The following LYPLA1 variants were observed in gnomAD, a reference collection of about 807,000 sequenced individuals.
The protein encoded by LYPLA1 is lysophospholipase 1, also known as acyl-protein thioesterase 1.
LYPLA1 carries 17 observed loss-of-function variants against 34.0 expected under a neutral mutation model. The observed-to-expected ratio is 0.50, with a 90% CI of 0.34 to 0.75. LYPLA1 has a LOEUF of 0.75. Ranked by LOEUF, LYPLA1 falls within the 30% of genes least tolerant of loss-of-function variation. The pLI is 0.01. For missense variants in LYPLA1, 203 were observed against 288.8 expected, an observed-to-expected ratio of 0.70 and a Z score of 2.15; for synonymous variants, 98 against 100.8, an observed-to-expected ratio of 0.97 and a Z score of 0.17.
chr8:54,055,355 T>C (rs1055910008), intron 5 of LYPLA1, among the ~76,000 whole-genome samples: 3 of 152,264 alleles, frequency 2.0e-5, no homozygotes, highest in South Asian at 4.1e-4. Context: ...AAATTTCCGA[T>C]AGTCACACAT....
intron 2 of LYPLA1, among the ~76,000 whole-genome samples, chr8:54,071,490 G>C (rs943184262): frequency 1.3e-5 from 2 of 152,098 alleles, no homozygotes; most frequent in African/African-American, 4.8e-5. Context: ...TATACAGGGT[G>C]GGGGCGTGGA....
intron 8 of LYPLA1, among the ~76,000 whole-genome samples, chr8:54,050,124 A>AT (rs1283111513): frequency 6.6e-6 from 1 of 152,142 alleles, no homozygotes; most frequent in African/African-American, 2.4e-5. Flanking sequence ...ATTATTTCAA[A>AT]TCTCCATTTC....
chr8:54,045,746 A>T (rs930851360), downstream of LYPLA1: 5 of 152,200 alleles, frequency 3.3e-5, no homozygotes, highest in Non-Finnish European at 7.3e-5. Flanking sequence ...ACACTAATTT[A>T]AAAAACCCAG....
intron 2 of LYPLA1, among the ~76,000 whole-genome samples, chr8:54,086,935 G>T (rs1416082729): frequency 6.6e-6 from 1 of 152,082 alleles, no homozygotes; most frequent in African/African-American, 2.4e-5. Context: ...ATATAATTAG[G>T]ATTATACACC....
chr8:54,089,376 T>C lies in LYPLA1; in HGVS notation c.101+11532A>G, dbSNP rs1586169306. ...ACAGTATGTTGTTATAATTATTCTA[T>C]TGCTGTTGTTCACCTCTTTGCCTAA... is the stretch of plus-strand genomic sequence containing the variant. On this transcript the variant is annotated intron_variant, in intron 2 of 8. Coordinates refer to ENST00000316963, the MANE Select transcript of LYPLA1 (RefSeq NM_006330.4). 4.6e-5 allele frequency among the ~76,000 whole-genome samples: 7 copies of C among 152,074 alleles called. No individual in the cohort carries two copies. The East Asian group carries it at 9.7e-4, about 21-fold the overall frequency.
intron 2 of LYPLA1, among the ~76,000 whole-genome samples, chr8:54,091,618 A>AAGGAAGGC (rs1809288640): frequency 6.8e-6 from 1 of 147,150 alleles, no homozygotes; most frequent in African/African-American, 2.6e-5. Flanking sequence ...GGAAGGAAGG[A>AAGGAAGGC]AGGAAGGAGA....
At chr8:54,091,581 AAAGG>A (rs200125817) in intron 2 of LYPLA1, among the ~76,000 whole-genome samples, 28,338 of 141,780 alleles carry the variant, frequency 0.2, 3,211 homozygotes, top group Middle Eastern at 0.35. Context: ...GAAAGAAAGA[AAAGG>A]AAGGAAGGAA....
intron 6 of LYPLA1, chr8:54,053,127 T>C (rs923535271): frequency 7.4e-5 from 13 of 176,526 alleles, no homozygotes; most frequent in African/African-American, 3.2e-4. Context: ...GGAGTTTCAC[T>C]CTTGTTGCCC....
chr8:54,053,426 T>C (rs1427444824), intron 6 of LYPLA1: 2 of 329,340 alleles, frequency 6.1e-6, no homozygotes, highest in Non-Finnish European at 1.2e-5. Flanking sequence ...AATGAGAATT[T>C]AAGATAATAA....
chr8:54,075,283 G>A (rs1334037132), intron 2 of LYPLA1, among the ~76,000 whole-genome samples: 1 of 152,240 alleles, frequency 6.6e-6, no homozygotes, highest in South Asian at 2.1e-4. Context: ...CAAAAAGTTA[G>A]TAAATAGGTA....
At chr8:54,099,285 A>G (rs544201209) in intron 2 of LYPLA1, among the ~76,000 whole-genome samples, 1 of 152,334 alleles carries the variant, frequency 6.6e-6, no homozygotes, top group African/African-American at 2.4e-5. Flanking sequence ...AAATAAGTTC[A>G]TCATTTTCAC....
At position 54,063,352 on chromosome 8, in the gene LYPLA1, T is replaced by C; in HGVS notation, c.191A>G (p.Asn64Ser). The change falls in exon 4 of 9, where the codon AAT becomes AGT. Residue 64 changes from asparagine (N) to serine (S), a missense_variant. By Grantham distance (46) the Asn-to-Ser change is conservative (BLOSUM62 1). Transcript: ENST00000316963. The stretch of plus-strand genomic sequence containing the variant: ...CCATGAAGGCATAGCCACGTTCATA[T>C]TTAATGTAACAGGCCTAACAGGCCT... ...PHAPVRPVTL[N>S]MNVAMPSWFD... The C allele has an allele frequency of 6.5e-7, 1 of 1,541,726 alleles. No individual in the cohort carries two copies. Among genetic ancestry groups the C allele is most frequent in the Non-Finnish European group, 8.8e-7 (1 of 1,141,882 alleles).
intron 3 of LYPLA1, among the ~76,000 whole-genome samples, chr8:54,064,722 C>A (rs967693207): frequency 1.1e-3 from 166 of 152,308 alleles, no homozygotes; most frequent in African/African-American, 3.8e-3. Context: ...TGCTTCTCAG[C>A]AACTTTTTGA....
chr8:54,070,017 A>C (rs959819180), intron 2 of LYPLA1, among the ~76,000 whole-genome samples: 18 of 152,278 alleles, frequency 1.2e-4, no homozygotes, highest in African/African-American at 4.3e-4. Context: ...TATGGTGAGA[A>C]ATCAGAACCC....
At chr8:54,093,586 T>C (rs1226972076) in intron 2 of LYPLA1, among the ~76,000 whole-genome samples, 1 of 152,210 alleles carries the variant, frequency 6.6e-6, no homozygotes, top group Non-Finnish European at 1.5e-5. Context: ...TGAATTTCTG[T>C]TGTTTTTAAT....
chr8:54,080,788 A>T (rs1808257603), intron 2 of LYPLA1, among the ~76,000 whole-genome samples: 1 of 152,210 alleles, frequency 6.6e-6, no homozygotes, highest in African/African-American at 2.4e-5. Context: ...AGGTTTCACC[A>T]TGTTGGCCAG....
intron 4 of LYPLA1, 41 bp downstream of exon 4, chr8:54,063,287 G>A: frequency 4.2e-6 from 5 of 1,191,826 alleles, no homozygotes; most frequent in South Asian, 3.0e-5. Flanking sequence ...CATTAAATAA[G>A]TAATATAATG....
chr8:54,101,853 AG>A lies in LYPLA1; in HGVS notation c.-31del. The A allele has an allele frequency of 1.6e-6, 2 of 1,230,054 alleles. No homozygotes were observed. The highest frequency in any genetic ancestry group is 2.1e-6 in the Non-Finnish European group (2 of 973,922). The allele number at this position is 1,230,054 out of a possible 1,614,324, so 76.2% of individuals were successfully genotyped here. The stretch of plus-strand genomic sequence containing the variant: ...CGCCTCAGCTCACAGCGCAAGCGGA[AG>A]GAAGAGCGGGCGCCCGGCCGCGGCC... On this transcript the variant is annotated 5_prime_UTR_variant, in exon 1 of 9. Coordinates refer to ENST00000316963, the MANE Select transcript of LYPLA1 (RefSeq NM_006330.4).
chr8:54,095,645 T>G (rs1392818384), intron 2 of LYPLA1, among the ~76,000 whole-genome samples: 1 of 152,146 alleles, frequency 6.6e-6, no homozygotes, highest in Non-Finnish European at 1.5e-5. Context: ...TGCACTGTTA[T>G]GGACACAGCA....
Sources: allele counts gnomAD v4.1 joint callset (sites outside exome capture counted in the v4.1 genomes callset), GRCh38; gene constraint gnomAD v4.1.1; transcripts MANE v1.5; gene names NCBI Gene and HGNC (gene_info 2026-07-23, HGNC 2026-07-21).